DGKG: variants seen among roughly 807,000 people sequenced by gnomAD.
The protein encoded by DGKG is diacylglycerol kinase gamma.
In DGKG, 78 loss-of-function variants were observed where a neutral mutation model predicts 105.3. The observed-to-expected ratio is 0.74, with a 90% CI of 0.62 to 0.89. The LOEUF (loss-of-function observed/expected upper bound fraction) is 0.89, where lower values mean the gene tolerates loss of function less well. Ranked by LOEUF, DGKG falls within the 40% of genes least tolerant of loss-of-function variation. DGKG has a pLI of 0.00. For missense variants in DGKG, 958 were observed against 1,020.1 expected (o/e 0.94, Z 0.83); for synonymous variants, 346 against 367.1 (o/e 0.94, Z 0.66).
chr3:186,325,740 A>G (rs1327192547), intron 1 of DGKG, among the ~76,000 whole-genome samples: 1 of 151,646 alleles, frequency 6.6e-6, no homozygotes, highest in African/African-American at 2.4e-5. Context: ...TAAAAACTGC[A>G]TTTATATATA....
intron 1 of DGKG, among the ~76,000 whole-genome samples, chr3:186,325,382 C>A (rs1195656664): frequency 6.6e-6 from 1 of 152,114 alleles, no homozygotes; most frequent in Non-Finnish European, 1.5e-5. Flanking sequence ...TGCCCCTGTA[C>A]CCCCTGAATA....
chr3:186,356,494 C>T (rs1223610037), intron 1 of DGKG, among the ~76,000 whole-genome samples: 1 of 152,132 alleles, frequency 6.6e-6, no homozygotes, highest in Non-Finnish European at 1.5e-5. Flanking sequence ...AATTGGGTTA[C>T]TTCAGTTGAT....
At chr3:186,279,641 A>T (rs1722739876) in intron 9 of DGKG, 1 of 463,824 alleles carries the variant, frequency 2.2e-6, no homozygotes, top group Non-Finnish European at 3.8e-6. Context: ...GTATTTTTAA[A>T]GTAGTAATAA....
intron 24 of DGKG, chr3:186,160,317 G>A: frequency 1.0e-6 from 1 of 985,382 alleles, no homozygotes; most frequent in Non-Finnish European, 1.2e-6. Context: ...GTAGGAGAGG[G>A]TTTGATTTCT....
chr3:186,325,813 C>T lies in DGKG; in HGVS notation c.-248-5106G>A, dbSNP rs571252573. Among the ~76,000 whole-genome samples the T allele has an allele frequency of 2.6e-5, 4 of 152,212 alleles. No individual in the cohort carries two copies. In the East Asian group the frequency reaches 5.8e-4, roughly 22 times the overall value. The stretch of plus-strand genomic sequence containing the variant: ...TGGGTTACAAATCTGTTGCTATCTT[C>T]GACTCTCAGATTATTCCAGATTTGA... On this transcript the variant is annotated intron_variant, in intron 1 of 24. Coordinates refer to ENST00000265022, the MANE Select transcript of DGKG (RefSeq NM_001346.3).
At chr3:186,328,274 C>T (rs1309031316) in intron 1 of DGKG, among the ~76,000 whole-genome samples, 1 of 152,178 alleles carries the variant, frequency 6.6e-6, no homozygotes, top group East Asian at 1.9e-4. Flanking sequence ...TTCTCTATTG[C>T]GGTGGTTGAT....
chr3:186,349,709 G>A (rs575728344), intron 1 of DGKG, among the ~76,000 whole-genome samples: 1 of 152,218 alleles, frequency 6.6e-6, no homozygotes, highest in Admixed American at 6.5e-5. Flanking sequence ...ATTGAGATGT[G>A]TTTCCCATTG....
In DGKG at chr3:186,149,551, G is replaced by A. The variant is rs1715658190; in HGVS notation, c.*539C>T. On this transcript the variant is annotated 3_prime_UTR_variant, in exon 25 of 25. Transcript: ENST00000265022. ...AAGTTGTCACTCAAAGGACGACCAAGAAACCAACGTGCGCCTGCTGAGCCC... is the reference window on the plus strand; with the variant it reads ...AAGTTGTCACTCAAAGGACGACCAAAAAACCAACGTGCGCCTGCTGAGCCC... 1.0e-6 allele frequency: 1 copy of A among 985,448 alleles called. No individual in the cohort carries two copies. Among genetic ancestry groups the A allele is most frequent in the African/African-American group, 1.7e-5 (1 of 57,252 alleles). 61.0% of individuals were successfully genotyped at this position (985,448 alleles called of 1,614,324 possible). A position where few individuals can be genotyped will look rare whatever the true frequency, so the allele number is the denominator to read the frequency against.
At position 186,153,466 on chromosome 3, in the gene DGKG, G is replaced by C. The variant is rs11925393; in HGVS notation, c.2278-3278C>G. ...TTAAAAACTATTCACATCACTGACA[G>C]CACCTGGCCAAGTGCTAAGATCAGC... On this transcript the variant is annotated intron_variant, in intron 24 of 24. Coordinates refer to ENST00000265022, the MANE Select transcript of DGKG (RefSeq NM_001346.3). Among the ~76,000 whole-genome samples the C allele has an allele frequency of 9.0e-3, 1,370 of 152,294 alleles. 20 individuals are homozygous for C. Among genetic ancestry groups the C allele is most frequent in the African/African-American group, 0.031 (1,275 of 41,546 alleles).
intron 17 of DGKG, among the ~76,000 whole-genome samples, chr3:186,255,590 C>T (rs1000541095): frequency 2.0e-4 from 30 of 152,142 alleles, no homozygotes; most frequent in Admixed American, 1.1e-3. Flanking sequence ...GAGAGATGGG[C>T]CGGGACCTGA....
intron 22 of DGKG, among the ~76,000 whole-genome samples, chr3:186,171,289 G>A (rs1048116498): frequency 6.6e-6 from 1 of 152,182 alleles, no homozygotes; most frequent in Non-Finnish European, 1.5e-5. Context: ...TGAATAAACT[G>A]AATAATATAG....
chr3:186,218,907 C>A (rs4686749), intron 20 of DGKG, among the ~76,000 whole-genome samples: 10 of 152,166 alleles, frequency 6.6e-5, no homozygotes, highest in Admixed American at 3.9e-4. Context: ...GGGTTATTAG[C>A]GGTGTTATTG....
Position 186,244,276 on chromosome 3 carries a change from ATAGGAGTCCAGCAGCC to A in DGKG, c.1762-1724_1762-1709del, listed in dbSNP as rs572857490. On this transcript the variant is annotated intron_variant, in intron 19 of 24. Coordinates refer to ENST00000265022, the MANE Select transcript of DGKG (RefSeq NM_001346.3). The stretch of plus-strand genomic sequence containing the variant: ...CTCTGTGTGGTGAGGTGCACCTGGC[ATAGGAGTCCAGCAGCC>A]CACATCTGAAAGGTGGCAGGGCAAG... Among the ~76,000 whole-genome samples, 28 of 152,292 alleles carry A rather than the reference ATAGGAGTCCAGCAGCC, an allele frequency of 1.8e-4. No individual in the cohort carries two copies. The South Asian group carries it at 3.5e-3, about 19-fold the overall frequency.
At chr3:186,302,566 GTA>G (rs199559070) in intron 3 of DGKG, among the ~76,000 whole-genome samples, 15 of 114,782 alleles carry the variant, frequency 1.3e-4, no homozygotes, top group African/African-American at 3.8e-5. Context: ...ATACACATAT[GTA>G]TATATATATA....
rs1352207072 is a variant in DGKG, at chr3:186,147,471, G to A, written c.*2619C>T. 1 of 985,266 alleles carries A rather than the reference G, an allele frequency of 1.0e-6. No homozygotes were observed. The highest frequency in any genetic ancestry group is 1.2e-6 in the Non-Finnish European group (1 of 829,868). 61.0% of individuals were successfully genotyped at this position (985,266 alleles called of 1,614,324 possible). A position where few individuals can be genotyped will look rare whatever the true frequency, so the allele number is the denominator to read the frequency against. ...TCCACCACAAGAAACCACAGTCATAGTGTTTAAAGGATGATTTGCAAGGCA... is the reference window on the plus strand; with the variant it reads ...TCCACCACAAGAAACCACAGTCATAATGTTTAAAGGATGATTTGCAAGGCA... On this transcript the variant is annotated 3_prime_UTR_variant, in exon 25 of 25. Transcript: ENST00000265022.
At chr3:186,287,636 A>G (rs1723131004) in intron 6 of DGKG, among the ~76,000 whole-genome samples, 1 of 152,242 alleles carries the variant, frequency 6.6e-6, no homozygotes, top group African/African-American at 2.4e-5. Flanking sequence ...TGCTGGAAAT[A>G]ATTTGATGTT....
chr3:186,262,796 C>T lies in DGKG; in HGVS notation c.1270-1018G>A, dbSNP rs77215958. Among the ~76,000 whole-genome samples, 109 of 152,256 alleles carry T rather than the reference C, an allele frequency of 7.2e-4. 1 individual carries two copies. In the East Asian group the frequency reaches 0.018, roughly 25 times the overall value. On this transcript the variant is annotated intron_variant, in intron 14 of 24. Coordinates refer to ENST00000265022, the MANE Select transcript of DGKG (RefSeq NM_001346.3). ...CTCGTGCTTGTTTCTTCTCCCATTC[C>T]ATGTCCCGAAATGCCCACTTCCTTC...
intron 2 of DGKG, among the ~76,000 whole-genome samples, chr3:186,313,836 C>A (rs1724675892): frequency 6.6e-6 from 1 of 152,120 alleles, no homozygotes; most frequent in African/African-American, 2.4e-5. Flanking sequence ...ATAGTTATGG[C>A]TATCCTTCCA....
At chr3:186,150,256 G>A (rs1371725584) in intron 24 of DGKG, 68 bp from the exon 25 acceptor site, 21 of 1,529,772 alleles carry the variant, frequency 1.4e-5, no homozygotes, top group Middle Eastern at 1.7e-4. Context: ...AGAGTGAGTC[G>A]CAGAGAAAGG....
Sources: gnomAD v4.1 joint callset for allele counts (sites outside exome capture counted in the v4.1 genomes callset) on GRCh38, gnomAD v4.1.1 for gene constraint, MANE v1.5 for transcripts, NCBI Gene and HGNC (gene_info 2026-07-23, HGNC 2026-07-21) for gene names.